BNC2: variants seen among roughly 807,000 people sequenced by gnomAD.
BNC2 encodes basonuclin zinc finger protein 2, also known as zinc finger protein basonuclin-2.
In BNC2, 20 loss-of-function variants were observed where a neutral mutation model predicts 76.3. That is an observed-to-expected ratio of 0.26 (90% CI 0.18 to 0.38). The LOEUF is 0.38. BNC2 is among the 10% of genes least tolerant of loss of function. The pLI is 1.00. For synonymous variants in BNC2, 582 were observed against 514.8 expected, an observed-to-expected ratio of 1.13 and a Z score of -1.77; for missense variants, 1,382 against 1,399.8, an observed-to-expected ratio of 0.99 and a Z score of 0.20.
intron 4 of BNC2, 37 bp from the exon 5 acceptor site, chr9:16,552,802 G>T (rs1375611616): frequency 2.6e-6 from 4 of 1,524,772 alleles, no homozygotes; most frequent in Non-Finnish European, 3.6e-6. Context: ...AGATGGGGGT[G>T]TTGGGAATAA....
chr9:16,576,459 T>C (rs781765238), intron 4 of BNC2, among the ~76,000 whole-genome samples: 15 of 152,172 alleles, frequency 9.9e-5, no homozygotes, highest in Non-Finnish European at 5.9e-5. Flanking sequence ...ACTACTTTAG[T>C]TATGCTAGGT....
chr9:16,432,839 A>C (rs562546609), intron 6 of BNC2, among the ~76,000 whole-genome samples: 1 of 152,198 alleles, frequency 6.6e-6, no homozygotes, highest in Non-Finnish European at 1.5e-5. Context: ...CTTCACAGCA[A>C]ATTAAAAGGG....
intron 5 of BNC2, among the ~76,000 whole-genome samples, chr9:16,536,025 C>A (rs866220559): frequency 1.8e-4 from 28 of 152,120 alleles, no homozygotes; most frequent in African/African-American, 6.8e-4. Flanking sequence ...CCTAGACCAA[C>A]CAACCCCAGG....
chr9:16,421,477 C>T (rs942311704), intron 6 of BNC2, among the ~76,000 whole-genome samples: 7 of 152,152 alleles, frequency 4.6e-5, no homozygotes, highest in Non-Finnish European at 8.8e-5. Flanking sequence ...TCATCCCATA[C>T]GCTGTCTTGA....
chr9:16,635,747 T>G (rs1821304218), intron 3 of BNC2, among the ~76,000 whole-genome samples: 1 of 152,214 alleles, frequency 6.6e-6, no homozygotes, highest in South Asian at 2.1e-4. Flanking sequence ...TATAATAAAC[T>G]CAACAGATAA....
chr9:16,673,983 C>T (rs1419347294), intron 3 of BNC2, among the ~76,000 whole-genome samples: 1 of 152,190 alleles, frequency 6.6e-6, no homozygotes, highest in Non-Finnish European at 1.5e-5. Flanking sequence ...CAACATTTTA[C>T]ATTTAATTTT....
At chr9:16,765,047 A>T (rs1279640620) in intron 1 of BNC2, among the ~76,000 whole-genome samples, 2 of 152,208 alleles carry the variant, frequency 1.3e-5, no homozygotes, top group Non-Finnish European at 2.9e-5. Context: ...CTCTTGGTTT[A>T]GGAAGAAGTA....
At chr9:16,479,598 C>T (rs1822003411) in intron 5 of BNC2, among the ~76,000 whole-genome samples, 1 of 152,264 alleles carries the variant, frequency 6.6e-6, no homozygotes, top group East Asian at 1.9e-4. Context: ...ATTACATTTG[C>T]TTGTAAGAGT....
intron 3 of BNC2, among the ~76,000 whole-genome samples, chr9:16,663,130 C>CT (rs71325979): frequency 0.28 from 27,607 of 99,908 alleles, 6,384 homozygotes; most frequent in East Asian, 0.57. Flanking sequence ...TCTGTTTACT[C>CT]TTTTTTTTTT....
In BNC2 at chr9:16,665,386, A is replaced by AGAGAGAGAGAG. The variant is rs369857371; in HGVS notation, c.330+62410_330+62411insCTCTCTCTCTC. ...CCTCTGTCTCAAAAAAAAAAAAAAAAAGAGAGAGAGAGAGAGAAAGAGAGA... is the reference window on the plus strand; with the variant it reads ...CCTCTGTCTCAAAAAAAAAAAAAAAAGAGAGAGAGAGAGAGAGAGAGAGAGAGAAAGAGAGA... On this transcript the variant is annotated intron_variant, in intron 3 of 6. Coordinates refer to ENST00000380672, the MANE Select transcript of BNC2 (RefSeq NM_017637.6). Among the ~76,000 whole-genome samples, 322 of 84,228 alleles carry AGAGAGAGAGAG rather than the reference A, an allele frequency of 3.8e-3. 15 individuals are homozygous for AGAGAGAGAGAG. The highest frequency in any genetic ancestry group is 0.015 in the African/African-American group (315 of 20,458). The allele number at this position is 84,228 out of a possible 152,430, so 55.3% of individuals were successfully genotyped here. A position where few individuals can be genotyped will look rare whatever the true frequency, so the allele number is the denominator to read the frequency against.
intron 5 of BNC2, among the ~76,000 whole-genome samples, chr9:16,444,520 A>G (rs1400005945): frequency 6.6e-6 from 1 of 152,116 alleles, no homozygotes; most frequent in African/African-American, 2.4e-5. Flanking sequence ...GAGATATACC[A>G]TCTAACTTCT....
intron 2 of BNC2, among the ~76,000 whole-genome samples, chr9:16,731,518 T>C (rs1372658753): frequency 1.3e-5 from 2 of 152,088 alleles, no homozygotes; most frequent in African/African-American, 2.4e-5. Flanking sequence ...AATGGTAAAA[T>C]AGATTGGAGA....
At chr9:16,468,956 T>G (rs890414217) in intron 5 of BNC2, among the ~76,000 whole-genome samples, 1 of 152,222 alleles carries the variant, frequency 6.6e-6, no homozygotes, top group African/African-American at 2.4e-5. Flanking sequence ...TTCACTCTTA[T>G]ATTCACAGAA....
chr9:16,430,611 T>C (rs575735088), intron 6 of BNC2, among the ~76,000 whole-genome samples: 2 of 152,334 alleles, frequency 1.3e-5, no homozygotes, highest in East Asian at 1.9e-4. Context: ...CGTTAATGTA[T>C]GCAGTGGCTC....
intron 5 of BNC2, among the ~76,000 whole-genome samples, chr9:16,520,462 A>T (rs1175236681): frequency 6.6e-6 from 1 of 152,224 alleles, no homozygotes; most frequent in Non-Finnish European, 1.5e-5. Flanking sequence ...AGAGCATGAG[A>T]TTCCTATTCC....
At chr9:16,472,428 T>C (rs1821845187) in intron 5 of BNC2, among the ~76,000 whole-genome samples, 2 of 152,218 alleles carry the variant, frequency 1.3e-5, no homozygotes, top group African/African-American at 4.8e-5. Context: ...CTTCAAAACA[T>C]GTTCTGGTAG....
intron 5 of BNC2, among the ~76,000 whole-genome samples, chr9:16,522,739 C>T (rs900328168): frequency 1.3e-5 from 2 of 152,174 alleles, no homozygotes; most frequent in African/African-American, 4.8e-5. Context: ...AACTAAGTCA[C>T]AGAAGAATGT....
chr9:16,502,195 T>C (rs959354696), intron 5 of BNC2, among the ~76,000 whole-genome samples: 1 of 152,082 alleles, frequency 6.6e-6, no homozygotes, highest in Non-Finnish European at 1.5e-5. Flanking sequence ...AGATCCCACC[T>C]GTACAAAAAA....
At chr9:16,787,962 T>C (rs1457674571) in intron 1 of BNC2, among the ~76,000 whole-genome samples, 2 of 152,250 alleles carry the variant, frequency 1.3e-5, no homozygotes, top group Non-Finnish European at 2.9e-5. Flanking sequence ...GTCAGCCACA[T>C]CCTAAATATG....
Sources: gnomAD v4.1 joint callset for allele counts (sites outside exome capture counted in the v4.1 genomes callset) on GRCh38, gnomAD v4.1.1 for gene constraint, MANE v1.5 for transcripts, NCBI Gene and HGNC (gene_info 2026-07-23, HGNC 2026-07-21) for gene names.